The following ASIC2 variants were observed in gnomAD, a reference collection of about 807,000 sequenced individuals.
ASIC2 encodes the protein acid-sensing ion channel 2.
A neutral mutation model predicts 57.3 loss-of-function variants in ASIC2; 25 were observed. That is an observed-to-expected ratio of 0.44 (90% CI 0.32 to 0.61). The LOEUF is 0.61. ASIC2 is among the 20% of genes least tolerant of loss of function. The probability of loss-of-function intolerance (pLI) is 0.06; values close to 1 mark genes in which losing one functional copy is unlikely to be tolerated. For missense variants in ASIC2, 641 were observed against 738.1 expected (o/e 0.87, Z 1.52); for synonymous variants, 319 against 307.5 (o/e 1.04, Z -0.39).
chr17:33,601,556 C>T (rs778907757), intron 1 of ASIC2, among the ~76,000 whole-genome samples: 2 of 152,180 alleles, frequency 1.3e-5, no homozygotes, highest in Non-Finnish European at 2.9e-5. Context: ...GTGGAGGTAT[C>T]GTGGCCTCTA....
intron 1 of ASIC2, among the ~76,000 whole-genome samples, chr17:34,084,735 T>C (rs901981808): frequency 1.2e-4 from 19 of 152,218 alleles, no homozygotes; most frequent in Admixed American, 1.2e-3. Context: ...TGGTTTGTAG[T>C]TCTCCTTGAA....
intron 1 of ASIC2, among the ~76,000 whole-genome samples, chr17:33,325,059 C>T (rs1907020061): frequency 1.3e-5 from 2 of 152,200 alleles, no homozygotes. Context: ...GACATGCTTT[C>T]CATCATCAGG....
intron 1 of ASIC2, among the ~76,000 whole-genome samples, chr17:33,559,996 T>A (rs564993273): frequency 5.9e-5 from 9 of 152,240 alleles, no homozygotes; most frequent in Non-Finnish European, 1.3e-4. Context: ...AAAGGCCTCA[T>A]GTGCAGAAAA....
At chr17:33,024,772 C>T (rs1183575733) in intron 5 of ASIC2, among the ~76,000 whole-genome samples, 1 of 152,158 alleles carries the variant, frequency 6.6e-6, no homozygotes, top group East Asian at 1.9e-4. Context: ...TTGCAGATTT[C>T]CCCCTAACTT....
At chr17:33,195,019 T>A (rs1172040202) in intron 1 of ASIC2, among the ~76,000 whole-genome samples, 2 of 152,210 alleles carry the variant, frequency 1.3e-5, no homozygotes, top group Non-Finnish European at 2.9e-5. Flanking sequence ...AAGACTGGAC[T>A]GAGAGAGGTA....
intron 1 of ASIC2, among the ~76,000 whole-genome samples, chr17:33,556,718 T>C (rs1915919182): frequency 6.6e-6 from 1 of 152,064 alleles, no homozygotes; most frequent in Admixed American, 6.6e-5. Context: ...AATTTGGAGG[T>C]ATATGTATTA....
intron 3 of ASIC2, among the ~76,000 whole-genome samples, chr17:33,077,711 G>A (rs2092095079): frequency 6.6e-6 from 1 of 152,144 alleles, no homozygotes; most frequent in Non-Finnish European, 1.5e-5. Context: ...ACAAATGCAG[G>A]GACTTCTCCA....
chr17:33,906,907 T>G (rs969108648), intron 1 of ASIC2, among the ~76,000 whole-genome samples: 1 of 152,210 alleles, frequency 6.6e-6, no homozygotes, highest in Non-Finnish European at 1.5e-5. Context: ...CCATGGGACA[T>G]GCCTAAGCTG....
intron 1 of ASIC2, among the ~76,000 whole-genome samples, chr17:33,998,325 A>G (rs1164658602): frequency 6.6e-6 from 1 of 152,070 alleles, no homozygotes; most frequent in Non-Finnish European, 1.5e-5. Flanking sequence ...TTAAAAAACA[A>G]CTCAGTTTCA....
At chr17:34,065,496 T>C (rs1232465366) in intron 1 of ASIC2, among the ~76,000 whole-genome samples, 2 of 152,114 alleles carry the variant, frequency 1.3e-5, no homozygotes, top group Admixed American at 6.5e-5. Flanking sequence ...TGTACCCCAA[T>C]AACTTGTGGA....
chr17:33,061,330 T>C (rs892749966), intron 3 of ASIC2, among the ~76,000 whole-genome samples: 3 of 152,138 alleles, frequency 2.0e-5, no homozygotes, highest in Non-Finnish European at 4.4e-5. Flanking sequence ...TTTTTAGATA[T>C]GTTGCATCAA....
chr17:33,233,165 G>A (rs1055867023), intron 1 of ASIC2, among the ~76,000 whole-genome samples: 1 of 151,254 alleles, frequency 6.6e-6, no homozygotes, highest in Non-Finnish European at 1.5e-5. Context: ...TATACCCTCA[G>A]CGGTCTGGGT....
Position 33,129,947 on chromosome 17 carries a change from C to A in ASIC2, c.709-17880G>T, listed in dbSNP as rs556321931. 2.0e-5 allele frequency among the ~76,000 whole-genome samples: 3 copies of A among 152,308 alleles called. No homozygotes were observed. In the South Asian group the frequency reaches 6.2e-4, roughly 32 times the overall value. ...AGCCCGCCACTGGGCGGCTGAACAG[C>A]GGCGGCCACTGGGCTGTTCATAAGG... On this transcript the variant is annotated intron_variant, in intron 1 of 9. Coordinates refer to ENST00000225823, the MANE Select transcript of ASIC2 (RefSeq NM_183377.2).
At chr17:33,368,050 C>A (rs908726859) in intron 1 of ASIC2, among the ~76,000 whole-genome samples, 1 of 152,096 alleles carries the variant, frequency 6.6e-6, no homozygotes, top group African/African-American at 2.4e-5. Context: ...GATATGTATC[C>A]CATTCCACAA....
chr17:33,349,613 A>G (rs1908081590), intron 1 of ASIC2, among the ~76,000 whole-genome samples: 1 of 152,150 alleles, frequency 6.6e-6, no homozygotes, highest in Non-Finnish European at 1.5e-5. Flanking sequence ...CTGACTTTCA[A>G]AGTGGTTTAG....
chr17:34,022,845 A>G (rs1433625316), intron 1 of ASIC2, among the ~76,000 whole-genome samples: 1 of 152,142 alleles, frequency 6.6e-6, no homozygotes, highest in South Asian at 2.1e-4. Flanking sequence ...TCCAAATCTC[A>G]TGTCAAATTG....
At chr17:33,763,002 A>T (rs977411700) in intron 1 of ASIC2, among the ~76,000 whole-genome samples, 1 of 152,178 alleles carries the variant, frequency 6.6e-6, no homozygotes, top group African/African-American at 2.4e-5. Flanking sequence ...TCCCTGAATC[A>T]GACAGGGAAA....
intron 1 of ASIC2, among the ~76,000 whole-genome samples, chr17:33,713,495 A>G (rs763456960): frequency 8.5e-5 from 13 of 152,196 alleles, no homozygotes; most frequent in Non-Finnish European, 1.8e-4. Context: ...CTCCGTCCTC[A>G]CATGGTATTC....
At chr17:33,415,531 T>TGAGAGAGA (rs35030035) in intron 1 of ASIC2, among the ~76,000 whole-genome samples, 2,384 of 151,554 alleles carry the variant, frequency 0.016, 26 homozygotes, top group African/African-American at 0.038. Flanking sequence ...TGGATTTTTC[T>TGAGAGAGA]GAGAGAGAGA....
Sources: allele counts gnomAD v4.1 joint callset (sites outside exome capture counted in the v4.1 genomes callset), GRCh38; gene constraint gnomAD v4.1.1; transcripts MANE v1.5; gene names NCBI Gene and HGNC (gene_info 2026-07-23, HGNC 2026-07-21).